HTR3C: variants seen among roughly 807,000 people sequenced by gnomAD.
HTR3C encodes the protein 5-HT3-C.
In HTR3C, 32 loss-of-function variants were observed where a neutral mutation model predicts 40.5. That is an observed-to-expected ratio of 0.79 (90% confidence interval 0.60 to 1.06). The LOEUF (loss-of-function observed/expected upper bound fraction) is 1.06, where lower values mean the gene tolerates loss of function less well. HTR3C is among the 50% of genes least tolerant of loss of function. The pLI, the probability that HTR3C is intolerant of heterozygous loss-of-function variation, is 0.00. For synonymous variants in HTR3C, 209 were observed against 217.1 expected (o/e 0.96, Z 0.33); for missense variants, 523 against 556.8 (o/e 0.94, Z 0.61).
intron 6 of HTR3C, among the ~76,000 whole-genome samples, chr3:184,058,983 A>ATAAAC (rs1347343991): frequency 2.0e-5 from 3 of 152,056 alleles, no homozygotes; most frequent in African/African-American, 7.2e-5. Context: ...ATAAAATAAA[A>ATAAAC]TAAAAATAAA....
At position 184,059,634 on chromosome 3, in the gene HTR3C, C is replaced by A. The variant is rs770394095; in HGVS notation, c.919C>A (p.Leu307Ile). The A allele has an allele frequency of 4.3e-6, 7 of 1,614,052 alleles. No homozygotes were observed. The highest frequency in any genetic ancestry group is 1.6e-4 in the Middle Eastern group (1 of 6,084). The change falls in exon 7 of 9, where the codon CTC (leucine) becomes ATC (isoleucine). Residue 307 changes from leucine to isoleucine, a missense_variant. Physicochemically the swap from Leu to Ile is conservative, Grantham distance 5. Coordinates refer to ENST00000318351, the MANE Select transcript of HTR3C (RefSeq NM_130770.3). ...NDLLPASGTP[L>I]ISVYFALCLS... The stretch of plus-strand genomic sequence containing the variant: ...CTTGCTCCCTGCCAGTGGCACCCCC[C>A]TCATCAGTATGGCTCCTCCCACTTT...
At chr3:184,058,659 T>C (rs1723380952) in intron 6 of HTR3C, 72 bp downstream of exon 6, 1 of 1,535,032 alleles carries the variant, frequency 6.5e-7, no homozygotes, top group East Asian at 2.4e-5. Flanking sequence ...CTATGGCTCT[T>C]TGGGAAGCAA....
chr3:184,057,660 G>A (rs547919972), intron 5 of HTR3C, among the ~76,000 whole-genome samples: 28 of 152,208 alleles, frequency 1.8e-4, no homozygotes, highest in Non-Finnish European at 8.8e-5. Flanking sequence ...CGTGAAACTC[G>A]GGAGGTGGAG....
In HTR3C at chr3:184,060,132, C is replaced by A; in HGVS notation, c.1142-18C>A. On this transcript the variant is annotated intron_variant, in intron 8 of 8. Transcript: ENST00000318351. Reference sequence around the variant, plus strand: ...GTCCCCTTCCCACTCCATGACTGAGCCTCTGTCCTCTCCACAGGCCCAAAG... The same window carrying A: ...GTCCCCTTCCCACTCCATGACTGAGACTCTGTCCTCTCCACAGGCCCAAAG... 6.2e-7 allele frequency: 1 copy of A among 1,611,776 alleles called. No individual in the cohort carries two copies. Among genetic ancestry groups the A allele is most frequent in the Non-Finnish European group, 8.5e-7 (1 of 1,178,834 alleles).
rs372016477 is a variant in HTR3C, at chr3:184,053,077, A to T, written c.-4A>T. 1.2e-6 allele frequency: 2 copies of T among 1,612,392 alleles called. No homozygotes were observed. Among genetic ancestry groups the T allele is most frequent in the African/African-American group, 2.7e-5 (2 of 74,846 alleles). ...AATCCCCAGAGAAGAGTCCAGAAAG[A>T]AGAATGGAAGGAGGGTGGCCTGCAA... On this transcript the variant is annotated 5_prime_UTR_variant, in exon 1 of 9. Transcript: ENST00000318351.
At chr3:184,055,884 CAA>C (rs71185686) in intron 3 of HTR3C, among the ~76,000 whole-genome samples, 25 of 30,706 alleles carry the variant, frequency 8.1e-4, no homozygotes, top group African/African-American at 2.6e-3. Context: ...AATAGCAACT[CAA>C]AAAAAAAAAA....
chr3:184,054,307 T>C (rs1723280284), intron 1 of HTR3C, among the ~76,000 whole-genome samples: 1 of 152,146 alleles, frequency 6.6e-6, no homozygotes, highest in Admixed American at 6.5e-5. Flanking sequence ...CTTAAGATCC[T>C]AAGAGTTAGA....
chr3:184,060,463 C>A lies in HTR3C; in HGVS notation c.*111C>A. 1.5e-6 allele frequency: 2 copies of A among 1,377,906 alleles called. No individual in the cohort carries two copies. The highest frequency in any genetic ancestry group is 2.5e-5 in the South Asian group (2 of 80,162). The allele number at this position is 1,377,906 out of a possible 1,614,324, so 85.4% of individuals were successfully genotyped here. The stretch of plus-strand genomic sequence containing the variant: ...ACTTATCCCCAGTGACTACCATGTC[C>A]CCTTCTAAATTCCAAAGACTCCAAC... On this transcript the variant is annotated 3_prime_UTR_variant, in exon 9 of 9. Transcript: ENST00000318351.
In HTR3C at chr3:184,053,146, A is replaced by T. The variant is rs750628580; in HGVS notation, c.66A>T (p.Gln22His). ...GCCTCACTGTCAGTCTTCTGCTTCA[A>T]GGTAAGATGGGACGAGAACAGGGAA... ...LLCLTVSLLL[Q>H]GRGDAFTINC... Residue 22 changes from glutamine to histidine, a missense_variant and splice_region_variant, in exon 1 of 9, where the codon CAA becomes CAT. By Grantham distance (24) the Gln-to-His change is conservative. Transcript: ENST00000318351. 2.5e-6 allele frequency: 4 copies of T among 1,613,078 alleles called. No homozygotes were observed. Among genetic ancestry groups the T allele is most frequent in the Non-Finnish European group, 3.4e-6 (4 of 1,179,154 alleles).
rs542124330 is a variant in HTR3C, at chr3:184,053,727, C to T, written c.67+580C>T. ...GGCCATGGCCGAGAGACAATATCTGCACCGGCCTCACTTTGTGGTTTTGTT... is the reference window on the plus strand; with the variant it reads ...GGCCATGGCCGAGAGACAATATCTGTACCGGCCTCACTTTGTGGTTTTGTT... On this transcript the variant is annotated intron_variant, in intron 1 of 8. Transcript: ENST00000318351. 2.6e-5 allele frequency among the ~76,000 whole-genome samples: 4 copies of T among 152,330 alleles called. No homozygotes were observed. The East Asian group carries it at 5.8e-4, about 22-fold the overall frequency.
intron 3 of HTR3C, 152 bp from the exon 4 acceptor site, chr3:184,056,025 T>C (rs1723317847): frequency 1.7e-6 from 1 of 596,480 alleles, no homozygotes; most frequent in Non-Finnish European, 3.0e-6. Flanking sequence ...GGTGACACCT[T>C]GTTAAATCAA....
chr3:184,054,426 T>C (rs866064933), intron 1 of HTR3C, among the ~76,000 whole-genome samples: 1 of 152,206 alleles, frequency 6.6e-6, no homozygotes, highest in Admixed American at 6.5e-5. Flanking sequence ...AAAGGACTCC[T>C]GGAAGTAGCT....
intron 6 of HTR3C, 55 bp from the exon 7 acceptor site, chr3:184,059,380 AC>A (rs900561037): frequency 6.7e-7 from 1 of 1,501,792 alleles, no homozygotes; most frequent in African/African-American, 1.4e-5. Context: ...GGTCAGATAT[AC>A]AAATTGAGCC....
intron 7 of HTR3C, 23 bp downstream of exon 7, chr3:184,059,663 G>A: frequency 6.2e-7 from 1 of 1,613,518 alleles, no homozygotes; most frequent in East Asian, 2.2e-5. Context: ...CCACTTTCAG[G>A]AGGAGAAAGG....
At position 184,060,432 on chromosome 3, in the gene HTR3C, T is replaced by G. The variant is rs953541944; in HGVS notation, c.*80T>G. 1.3e-6 allele frequency: 2 copies of G among 1,556,400 alleles called. No homozygotes were observed. Among genetic ancestry groups the G allele is most frequent in the Non-Finnish European group, 1.8e-6 (2 of 1,130,002 alleles). On this transcript the variant is annotated 3_prime_UTR_variant, in exon 9 of 9. Coordinates refer to ENST00000318351, the MANE Select transcript of HTR3C (RefSeq NM_130770.3). ...GCCAGCCGGACTCATTTTCCTAATC[T>G]TAGCCACTTATCCCCAGTGACTACC... is the stretch of plus-strand genomic sequence containing the variant.
At position 184,056,193 on chromosome 3, in the gene HTR3C, T is replaced by C; in HGVS notation, c.296T>C (p.Phe99Ser). 6.2e-7 allele frequency: 1 copy of C among 1,613,002 alleles called. No homozygotes were observed. Among genetic ancestry groups the C allele is most frequent in the Non-Finnish European group, 8.5e-7 (1 of 1,179,004 alleles). The change falls in exon 4 of 9, where the codon TTC (phenylalanine) becomes TCC (serine). Residue 99 changes from phenylalanine to serine, a missense_variant. Coordinates refer to ENST00000318351, the MANE Select transcript of HTR3C (RefSeq NM_130770.3). The part of the protein sequence containing the change: ...LWMDLVWDNP[F>S]INWNPKECVG... The stretch of plus-strand genomic sequence containing the variant: ...CTGATGCAGGTATGGGACAATCCTT[T>C]CATTAATTGGAACCCAAAAGAGTGT...
In HTR3C at chr3:184,060,017, T is replaced by C. The variant is rs557676226; in HGVS notation, c.1115T>C (p.Leu372Pro). The change falls in exon 8 of 9, where the codon CTG (leucine) becomes CCG (proline). Residue 372 changes from leucine (L) to proline (P), a missense_variant. By Grantham distance (98) the Leu-to-Pro change is moderately conservative. Coordinates refer to ENST00000318351, the MANE Select transcript of HTR3C (RefSeq NM_130770.3). ...PTAPQKGNKGLGLTLTHLPGP... is the reference protein window; with the variant it reads ...PTAPQKGNKGPGLTLTHLPGP... Reference sequence around the variant, plus strand: ...GCGCCCCAGAAGGGAAATAAGGGCCTGGGTCTCACCCTCACCCACCTGCCT... The same window carrying C: ...GCGCCCCAGAAGGGAAATAAGGGCCCGGGTCTCACCCTCACCCACCTGCCT... 2 of 1,613,882 alleles carry C rather than the reference T, an allele frequency of 1.2e-6. No individual in the cohort carries two copies. Among genetic ancestry groups the C allele is most frequent in the East Asian group, 2.2e-5 (1 of 44,874 alleles).
chr3:184,053,231 G>C, intron 1 of HTR3C, 84 bp downstream of exon 1: 1 of 919,352 alleles, frequency 1.1e-6, no homozygotes, highest in South Asian at 1.3e-5. Flanking sequence ...AGGGCATTCA[G>C]AATTAATGTG....
chr3:184,058,167 T>G (rs1202387663), intron 5 of HTR3C, among the ~76,000 whole-genome samples: 1 of 152,202 alleles, frequency 6.6e-6, no homozygotes, highest in African/African-American at 2.4e-5. Context: ...CAAAAGTTCT[T>G]GACTCACGTT....
Sources: gnomAD v4.1 joint callset for allele counts (sites outside exome capture counted in the v4.1 genomes callset) on GRCh38, gnomAD v4.1.1 for gene constraint, MANE v1.5 for transcripts, NCBI Gene and HGNC (gene_info 2026-07-23, HGNC 2026-07-21) for gene names.